Variants in MYNN observed in about 807,000 individuals in gnomAD.
MYNN encodes the protein zinc finger and BTB domain-containing protein 31.
In MYNN, 22 loss-of-function variants were observed where a neutral mutation model predicts 57.2. The observed-to-expected ratio is 0.38, with a 90% confidence interval of 0.27 to 0.55. The LOEUF (loss-of-function observed/expected upper bound fraction) is 0.55, where lower values mean the gene tolerates loss of function less well. Ranked by LOEUF, MYNN falls within the 20% of genes least tolerant of loss-of-function variation. The probability of loss-of-function intolerance (pLI) is 0.71; values close to 1 mark genes in which losing one functional copy is unlikely to be tolerated. For missense variants in MYNN, 566 were observed against 723.1 expected (o/e 0.78, Z 2.49); for synonymous variants, 241 against 257.1 (o/e 0.94, Z 0.60).
At chr3:169,783,053 A>G (rs547540503) in intron 5 of MYNN, among the ~76,000 whole-genome samples, 2 of 152,262 alleles carry the variant, frequency 1.3e-5, no homozygotes, top group East Asian at 1.9e-4. Context: ...GGGATTTTCA[A>G]ATAAGGTAAT....
In MYNN at chr3:169,776,951, C is replaced by T. The variant is rs559598118; in HGVS notation, c.267-1817C>T. Among the ~76,000 whole-genome samples, 3 of 152,246 alleles carry T rather than the reference C, an allele frequency of 2.0e-5. No individual in the cohort carries two copies. The South Asian group carries it at 6.2e-4, about 32-fold the overall frequency. ...TCCTGACCTCAGGTGATGCGCCCACCTTGGCCTTACAGGCATAAGCAACTG... is the reference window on the plus strand; with the variant it reads ...TCCTGACCTCAGGTGATGCGCCCACTTTGGCCTTACAGGCATAAGCAACTG... On this transcript the variant is annotated intron_variant, in intron 2 of 7. Coordinates refer to ENST00000349841, the MANE Select transcript of MYNN (RefSeq NM_018657.5).
rs1778483637 is a variant in MYNN, at chr3:169,780,675, T to G, written c.1146T>G (p.Gly382=). 2 of 1,613,042 alleles carry G rather than the reference T, an allele frequency of 1.2e-6. No homozygotes were observed. ...QLVFHSRMHH[G]EEKPYKCDVC... is the part of the protein sequence containing the mutation. ...TCTTCCATAGTCGCATGCATCATGG[T>G]GAAGAAAAACCCTATAAATGTGATG... Residue 382 remains glycine (G), a synonymous_variant, in exon 4 of 8, where the codon GGT becomes GGG. Transcript: ENST00000349841.
At position 169,779,014 on chromosome 3, in the gene MYNN, G is replaced by A. The variant is rs757802722; in HGVS notation, c.513G>A (p.Ala171=). 5.3e-5 allele frequency: 85 copies of A among 1,613,742 alleles called. No homozygotes were observed. The highest frequency in any genetic ancestry group is 1.7e-4 in the Admixed American group (10 of 59,994). ...TTCAGGCAAATCCTAAACAAGGCGCGTTAGCGAAAAAGTCATCTCAAACGA... is the reference window on the plus strand; with the variant it reads ...TTCAGGCAAATCCTAAACAAGGCGCATTAGCGAAAAAGTCATCTCAAACGA... ...DLIQANPKQG[A]LAKKSSQTKK... Residue 171 remains alanine, a synonymous_variant, in exon 3 of 8, where the codon GCG becomes GCA. Transcript: ENST00000349841.
In MYNN at chr3:169,779,188, AAATGAT is replaced by A; in HGVS notation, c.691_696del (p.Asp231_Asn232del). 1.2e-6 allele frequency: 2 copies of A among 1,614,242 alleles called. No individual in the cohort carries two copies. The highest frequency in any genetic ancestry group is 3.3e-4 in the Middle Eastern group (2 of 6,062). ...CTGTAGTAGAACAAGTTGCACAAAT[AAATGAT>A]AATTCAGAACTCGAGTTGACATCAG... On this transcript the variant is annotated inframe_deletion, in exon 3 of 8. Transcript: ENST00000349841.
chr3:169,781,476 A>AG (rs1441591864), intron 4 of MYNN, among the ~76,000 whole-genome samples: 1 of 152,230 alleles, frequency 6.6e-6, no homozygotes, highest in Non-Finnish European at 1.5e-5. Flanking sequence ...AGCATATGAC[A>AG]GTATTTAAAG....
At chr3:169,774,660 T>C (rs1363603104) in intron 2 of MYNN, 99 bp downstream of exon 2, 2 of 1,115,380 alleles carry the variant, frequency 1.8e-6, no homozygotes, top group African/African-American at 3.1e-5. Context: ...GAACTCAAAT[T>C]CTTCACCTAT....
rs775019710 is a variant in MYNN, at chr3:169,779,067, C to T, written c.566C>T (p.Pro189Leu). 7 of 1,614,060 alleles carry T rather than the reference C, an allele frequency of 4.3e-6. No homozygotes were observed. The South Asian group carries it at 4.4e-5, about 10-fold the overall frequency. Residue 189 changes from proline (P) to leucine (L), a missense_variant, in exon 3 of 8, where the codon CCG (proline) becomes CTG (leucine). Transcript: ENST00000349841. ...TKKKKKAFNS[P>L]KTGQNKTVQY... is the part of the protein sequence containing the mutation. ...AAGAAGAAGAAGGCTTTCAACTCCC[C>T]GAAAACAGGGCAGAATAAAACAGTG...
chr3:169,774,676 C>A, intron 2 of MYNN, 115 bp downstream of exon 2: 2 of 943,230 alleles, frequency 2.1e-6, no homozygotes, highest in Non-Finnish European at 3.2e-6. Flanking sequence ...CCTATTTATG[C>A]ACACAATGTT....
chr3:169,779,692 C>T (rs1466732094), intron 3 of MYNN, 131 bp downstream of exon 3: 2 of 937,534 alleles, frequency 2.1e-6, no homozygotes, highest in East Asian at 2.6e-5. Context: ...AAGTATTTAA[C>T]AGTGTTAAAC....
At chr3:169,776,300 G>C (rs1261971923) in intron 2 of MYNN, among the ~76,000 whole-genome samples, 1 of 152,182 alleles carries the variant, frequency 6.6e-6, no homozygotes, top group Non-Finnish European at 1.5e-5. Context: ...TACCAAAATA[G>C]AAAGGCTTAC....
chr3:169,780,760 A>G lies in MYNN; in HGVS notation c.1220+11A>G. 1.9e-6 allele frequency: 3 copies of G among 1,587,556 alleles called. No individual in the cohort carries two copies. Among genetic ancestry groups the G allele is most frequent in the Non-Finnish European group, 2.6e-6 (3 of 1,170,492 alleles). On this transcript the variant is annotated intron_variant, in intron 4 of 7. Transcript: ENST00000349841. ...CAAGATTCATGCAAGGTAAAAAACC[A>G]AATGAGTTGTTTGATCTTTTAGTCT...
intron 2 of MYNN, chr3:169,778,521 T>C: frequency 2.9e-6 from 1 of 342,284 alleles, no homozygotes; most frequent in Non-Finnish European, 5.2e-6. Context: ...CATTTAATTT[T>C]TCTGCAGTGG....
At chr3:169,779,925 C>CTGT (rs1778459954) in intron 3 of MYNN, 2 of 225,828 alleles carry the variant, frequency 8.9e-6, no homozygotes, top group Non-Finnish European at 1.8e-5. Flanking sequence ...CTTCTAGACT[C>CTGT]TGTTGACTTC....
chr3:169,789,257 T>C lies in MYNN; in HGVS notation c.*2579T>C, dbSNP rs577459674. On this transcript the variant is annotated 3_prime_UTR_variant, in exon 8 of 8. Transcript: ENST00000349841. ...GAAAACCTTTTTTCAAAGGTAATGG[T>C]TCTATCAGTTTCATTCCAACAGTAG... 6.6e-6 allele frequency: 1 copy of C among 152,302 alleles called. No individual in the cohort carries two copies. Among genetic ancestry groups the C allele is most frequent in the Non-Finnish European group, 1.5e-5 (1 of 68,026 alleles). 9.4% of individuals were successfully genotyped at this position (152,302 alleles called of 1,614,324 possible).
chr3:169,782,726 CG>C lies in MYNN; in HGVS notation c.1399+85del, dbSNP rs1577399556. The C allele has an allele frequency of 8.8e-7, 1 of 1,135,612 alleles. No homozygotes were observed. Among genetic ancestry groups the C allele is most frequent in the East Asian group, 2.5e-5 (1 of 40,158 alleles). 70.3% of individuals were successfully genotyped at this position (1,135,612 alleles called of 1,614,324 possible). A position where few individuals can be genotyped will look rare whatever the true frequency, so the allele number is the denominator to read the frequency against. On this transcript the variant is annotated intron_variant, in intron 5 of 7. Transcript: ENST00000349841. This position sits in a 1 kb window ranked among gnomAD's most constrained non-coding sequence, Gnocchi z 4.8. ...ACTTGGGCCTTTTAGCGAAGTAGAT[CG>C]GAAACTTTGTAGTTAGATATCTGTT...
chr3:169,784,773 C>A, intron 7 of MYNN, 65 bp downstream of exon 7: 1 of 1,000,266 alleles, frequency 1.0e-6, no homozygotes, highest in Non-Finnish European at 1.5e-6. Context: ...TAGTGCTATT[C>A]CTTAAAATGC....
Position 169,782,407 on chromosome 3 carries a change from C to A in MYNN, c.1221-58C>A. ...AAATCTATAAAAAACTTTATGAATT[C>A]TTGCTATATAGACTGACCTCCAAAT... On this transcript the variant is annotated intron_variant, in intron 4 of 7. Transcript: ENST00000349841. The surrounding 1 kb of genome is among the most constrained non-coding windows in gnomAD (Gnocchi z 4.8). 1 of 1,376,032 alleles carries A rather than the reference C, an allele frequency of 7.3e-7. No individual in the cohort carries two copies. Among genetic ancestry groups the A allele is most frequent in the Non-Finnish European group, 9.9e-7 (1 of 1,008,182 alleles). The allele number at this position is 1,376,032 out of a possible 1,614,324, so 85.2% of individuals were successfully genotyped here. A position where few individuals can be genotyped will look rare whatever the true frequency, so the allele number is the denominator to read the frequency against.
Position 169,784,646 on chromosome 3 carries a change from T to C in MYNN, c.1508T>C (p.Leu503Ser), listed in dbSNP as rs770867674. 26 of 1,576,580 alleles carry C rather than the reference T, an allele frequency of 1.6e-5. 1 individual carries two copies. In the South Asian group the frequency reaches 3.1e-4, roughly 19 times the overall value. ...GGAGAAAGACCATTTATCTGCGAAT[T>C]ATGTGGAAATTCTTACACAGATATT... is the stretch of plus-strand genomic sequence containing the variant. ...HTGERPFICE[L>S]CGNSYTDIKN... is the part of the protein sequence containing the mutation. The change falls in exon 7 of 8, where the codon TTA becomes TCA. Residue 503 changes from leucine to serine, a missense_variant. Leu to Ser is a moderately radical substitution (Grantham distance 145). Around this residue, in one of 4 missense-constraint regions of MYNN, gnomAD observed 156 missense variants for 163.9 expected, o/e 0.95. Transcript: ENST00000349841.
intron 4 of MYNN, 68 bp downstream of exon 4, chr3:169,780,817 T>G: frequency 1.6e-6 from 2 of 1,229,062 alleles, no homozygotes; most frequent in Non-Finnish European, 2.2e-6. Flanking sequence ...AATAGACTAT[T>G]ATATTAGAAT....
Sources: allele counts gnomAD v4.1 joint callset (sites outside exome capture counted in the v4.1 genomes callset), GRCh38; gene constraint gnomAD v4.1.1; regional missense constraint gnomAD v4.1.1; non-coding constraint Gnocchi (gnomAD v3.1); transcripts MANE v1.5; gene names NCBI Gene and HGNC (gene_info 2026-07-23, HGNC 2026-07-21).